STAT4: variants seen among roughly 807,000 people sequenced by gnomAD.
STAT4 encodes the protein signal transducer and activator of transcription 4.
Under a neutral mutation model 110.5 loss-of-function variants are expected in STAT4, and 42 were observed. The ratio of observed to expected loss-of-function variants is 0.38; its 90% CI spans 0.30 to 0.49. The LOEUF (loss-of-function observed/expected upper bound fraction) is 0.49. Among genes scored for constraint, STAT4 ranks in the 20% least tolerant of loss-of-function variants. The pLI, the probability that STAT4 is intolerant of heterozygous loss-of-function variation, is 0.95. For missense variants in STAT4, 632 were observed against 887.9 expected (o/e 0.71, Z 3.66); for synonymous variants, 284 against 302.2 (o/e 0.94, Z 0.63).
chr2:191,060,567 A>C lies in STAT4; in HGVS notation c.1034+1162T>G, dbSNP rs1696821110. ...TTAAGTAGCTGGGATTACAGGCATG[A>C]GCCAACATGCTCAGCTAATTTTTCT... On this transcript the variant is annotated intron_variant, in intron 10 of 23. Coordinates refer to ENST00000392320, the MANE Select transcript of STAT4 (RefSeq NM_003151.4). This position sits in a 1 kb window ranked among gnomAD's most constrained non-coding sequence, Gnocchi z 4.5. Among the ~76,000 whole-genome samples the C allele has an allele frequency of 6.6e-6, 1 of 152,048 alleles. No homozygotes were observed. The highest frequency in any genetic ancestry group is 1.5e-5 in the Non-Finnish European group (1 of 67,974).
In STAT4 at chr2:191,112,336, GCCTCAGTTC is replaced by G. The variant is rs1278529993; in HGVS notation, c.273+34268_273+34276del. 6.6e-6 allele frequency among the ~76,000 whole-genome samples: 1 copy of G among 152,100 alleles called. No individual in the cohort carries two copies. Among genetic ancestry groups the G allele is most frequent in the Non-Finnish European group, 1.5e-5 (1 of 68,024 alleles). On this transcript the variant is annotated intron_variant, in intron 3 of 23. Transcript: ENST00000392320. This position sits in a 1 kb window ranked among gnomAD's most constrained non-coding sequence, Gnocchi z 4.3. ...TTGGGCAACAGCGTGACCTTTCCAAGCCTCAGTTCCCTCATCTGTAAAATGGAAGAAATA... is the reference window on the plus strand; with the variant it reads ...TTGGGCAACAGCGTGACCTTTCCAAGCCTCATCTGTAAAATGGAAGAAATA...
intron 3 of STAT4, among the ~76,000 whole-genome samples, chr2:191,105,706 GT>G (rs1229017749): frequency 6.6e-6 from 1 of 152,136 alleles, no homozygotes; most frequent in Non-Finnish European, 1.5e-5. Flanking sequence ...GTATTCCGTA[GT>G]TTTCACTTAA....
chr2:191,034,022 G>A lies in STAT4; in HGVS notation c.1621-17C>T. On this transcript the variant is annotated splice_polypyrimidine_tract_variant and intron_variant, in intron 18 of 23. Coordinates refer to ENST00000392320, the MANE Select transcript of STAT4 (RefSeq NM_003151.4). ...TAAATGTTCCTACAGGAATAGACAA[G>A]CACATTAAGACAATGATTATTTAAG... The A allele has an allele frequency of 6.7e-7, 1 of 1,499,434 alleles. No homozygotes were observed. Among genetic ancestry groups the A allele is most frequent in the Non-Finnish European group, 9.2e-7 (1 of 1,089,100 alleles). The allele number at this position is 1,499,434 out of a possible 1,614,324, so 92.9% of individuals were successfully genotyped here.
chr2:191,076,539 C>A (rs919989246), intron 3 of STAT4, among the ~76,000 whole-genome samples: 2 of 151,952 alleles, frequency 1.3e-5, no homozygotes, highest in Non-Finnish European at 2.9e-5. Flanking sequence ...TCTTTGTCCT[C>A]AAAAATAACT....
At position 191,034,019 on chromosome 2, in the gene STAT4, C is replaced by G. The variant is rs752673086; in HGVS notation, c.1621-14G>C. ...AGGTAAATGTTCCTACAGGAATAGA[C>G]AAGCACATTAAGACAATGATTATTT... On this transcript the variant is annotated splice_polypyrimidine_tract_variant and intron_variant, in intron 18 of 23. Coordinates refer to ENST00000392320, the MANE Select transcript of STAT4 (RefSeq NM_003151.4). 5.9e-6 allele frequency: 9 copies of G among 1,524,448 alleles called. No individual in the cohort carries two copies. Among genetic ancestry groups the G allele is most frequent in the Admixed American group, 1.8e-5 (1 of 54,086 alleles). 94.4% of individuals were successfully genotyped at this position (1,524,448 alleles called of 1,614,324 possible).
chr2:191,058,567 A>G lies in STAT4; in HGVS notation c.1094+143T>C. On this transcript the variant is annotated intron_variant, in intron 11 of 23. Transcript: ENST00000392320. This position sits in a 1 kb window ranked among gnomAD's most constrained non-coding sequence, Gnocchi z 4.3. ...ATTTTGTTAAATGTTTGAACTTCAA[A>G]GTCAAATATTTGAAGTACATTCATT... is the stretch of plus-strand genomic sequence containing the variant. The G allele has an allele frequency of 1.6e-6, 1 of 630,180 alleles. No individual in the cohort carries two copies. The highest frequency in any genetic ancestry group is 2.1e-5 in the South Asian group (1 of 47,918). The allele number at this position is 630,180 out of a possible 1,614,324, so 39.0% of individuals were successfully genotyped here.
At chr2:191,100,908 C>T (rs189789759) in intron 3 of STAT4, among the ~76,000 whole-genome samples, 98 of 152,086 alleles carry the variant, frequency 6.4e-4, no homozygotes, top group African/African-American at 2.2e-3. Flanking sequence ...ATGGTTTACC[C>T]AGAAAAATGG....
intron 3 of STAT4, among the ~76,000 whole-genome samples, chr2:191,089,833 T>C (rs920323916): frequency 1.3e-5 from 2 of 152,178 alleles, no homozygotes; most frequent in East Asian, 3.8e-4. Context: ...ATTCCAACTA[T>C]ATGACATTAT....
At position 191,116,836 on chromosome 2, in the gene STAT4, C is replaced by A. The variant is rs980520896; in HGVS notation, c.273+29777G>T. On this transcript the variant is annotated intron_variant, in intron 3 of 23. Transcript: ENST00000392320. The surrounding 1 kb of genome is among the most constrained non-coding windows in gnomAD (Gnocchi z 4.1). ...ATAAATGACTGAAAGTAAATTTACT[C>A]AAATGTCTCAGAAATGACAAGATGC... Among the ~76,000 whole-genome samples, 3 of 152,148 alleles carry A rather than the reference C, an allele frequency of 2.0e-5. No individual in the cohort carries two copies. The highest frequency in any genetic ancestry group is 2.4e-5 in the African/African-American group (1 of 41,432).
At chr2:191,088,594 T>C (rs954241958) in intron 3 of STAT4, among the ~76,000 whole-genome samples, 1 of 152,146 alleles carries the variant, frequency 6.6e-6, no homozygotes, top group Non-Finnish European at 1.5e-5. Context: ...TTAAAGTTTA[T>C]ATGGAGAGGC....
At position 191,066,616 on chromosome 2, in the gene STAT4, T is replaced by G. The variant is rs1338308748; in HGVS notation, c.545-101A>C. ...AAACAGCCCTGGCCCGGAGAACTTA[T>G]GTGGTAAGAGACTAATTGGGTTCAC... On this transcript the variant is annotated intron_variant, in intron 6 of 23. Coordinates refer to ENST00000392320, the MANE Select transcript of STAT4 (RefSeq NM_003151.4). The surrounding 1 kb of genome is among the most constrained non-coding windows in gnomAD (Gnocchi z 4.3). 4.7e-6 allele frequency: 5 copies of G among 1,068,096 alleles called. No individual in the cohort carries two copies. The highest frequency in any genetic ancestry group is 5.5e-6 in the Non-Finnish European group (4 of 723,826). 66.2% of individuals were successfully genotyped at this position (1,068,096 alleles called of 1,614,324 possible). A position where few individuals can be genotyped will look rare whatever the true frequency, so the allele number is the denominator to read the frequency against.
chr2:191,089,473 A>G lies in STAT4; in HGVS notation c.274-13148T>C, dbSNP rs568131525. Among the ~76,000 whole-genome samples, 8 of 152,328 alleles carry G rather than the reference A, an allele frequency of 5.3e-5. No individual in the cohort carries two copies. In the East Asian group the frequency reaches 9.6e-4, roughly 18 times the overall value. ...GTTGCTCGTGGGAGTGAAAAATAAT[A>G]CAGCCATTTTCAAAAACAGTTTGGC... is the stretch of plus-strand genomic sequence containing the variant. On this transcript the variant is annotated intron_variant, in intron 3 of 23. Coordinates refer to ENST00000392320, the MANE Select transcript of STAT4 (RefSeq NM_003151.4).
At chr2:191,089,205 T>A (rs1026543401) in intron 3 of STAT4, among the ~76,000 whole-genome samples, 1 of 151,708 alleles carries the variant, frequency 6.6e-6, no homozygotes, top group South Asian at 2.1e-4. Context: ...AAAATATTTT[T>A]AAAAAGCAAG....
At chr2:191,115,377 GAATGGATCC>G (rs1348398481) in intron 3 of STAT4, among the ~76,000 whole-genome samples, 1 of 152,180 alleles carries the variant, frequency 6.6e-6, no homozygotes, top group African/African-American at 2.4e-5. Flanking sequence ...TGGAGGTTAG[GAATGGATCC>G]AATGAAATAA....
intron 3 of STAT4, among the ~76,000 whole-genome samples, chr2:191,108,703 A>G (rs1698346495): frequency 2.6e-5 from 4 of 152,236 alleles, no homozygotes; most frequent in Admixed American, 2.6e-4. Flanking sequence ...GGTTAAAAGG[A>G]GAAAACAAGT....
At chr2:191,108,344 A>G (rs1698338285) in intron 3 of STAT4, among the ~76,000 whole-genome samples, 1 of 152,190 alleles carries the variant, frequency 6.6e-6, no homozygotes, top group South Asian at 2.1e-4. Flanking sequence ...GTAACAGAAA[A>G]TAAGAGAACT....
chr2:191,105,648 T>C (rs1174771626), intron 3 of STAT4, among the ~76,000 whole-genome samples: 1 of 152,232 alleles, frequency 6.6e-6, no homozygotes, highest in Non-Finnish European at 1.5e-5. Flanking sequence ...GGTAACATTT[T>C]AATATATTTC....
At position 191,104,092 on chromosome 2, in the gene STAT4, T is replaced by C. The variant is rs548811080; in HGVS notation, c.274-27767A>G. 6.6e-6 allele frequency among the ~76,000 whole-genome samples: 1 copy of C among 152,204 alleles called. No homozygotes were observed. Among genetic ancestry groups the C allele is most frequent in the East Asian group, 1.9e-4 (1 of 5,190 alleles). On this transcript the variant is annotated intron_variant, in intron 3 of 23. Transcript: ENST00000392320. The surrounding 1 kb of genome is among the most constrained non-coding windows in gnomAD (Gnocchi z 4.3). The stretch of plus-strand genomic sequence containing the variant: ...CAATACTGAAGAAATAACCATATAA[T>C]CCCCGTTTTGTGAAAAAATATATCT...
intron 3 of STAT4, among the ~76,000 whole-genome samples, chr2:191,130,479 C>A (rs534424570): frequency 6.6e-6 from 1 of 151,780 alleles, no homozygotes; most frequent in East Asian, 1.9e-4. Context: ...GCCTCGGCCT[C>A]CCAAAGTGCT....
Sources: gnomAD v4.1 joint callset for allele counts (sites outside exome capture counted in the v4.1 genomes callset) on GRCh38, gnomAD v4.1.1 for gene constraint, Gnocchi (gnomAD v3.1) non-coding constraint, MANE v1.5 for transcripts, NCBI Gene and HGNC (gene_info 2026-07-23, HGNC 2026-07-21) for gene names.